MAPK10: variants seen among roughly 807,000 people sequenced by gnomAD.
MAPK10 encodes JNK3 alpha protein kinase.
In MAPK10, 25 loss-of-function variants were observed where a neutral mutation model predicts 59.3. The ratio of observed to expected loss-of-function variants is 0.42; its 90% confidence interval spans 0.31 to 0.59. MAPK10 has a LOEUF of 0.59. Among genes scored for constraint, MAPK10 ranks in the 20% least tolerant of loss-of-function variants. The probability of loss-of-function intolerance (pLI) is 0.15; values close to 1 mark genes in which losing one functional copy is unlikely to be tolerated. For missense variants in MAPK10, 351 were observed against 568.9 expected, an observed-to-expected ratio of 0.62 and a Z score of 3.90; for synonymous variants, 190 against 200.5, an observed-to-expected ratio of 0.95 and a Z score of 0.44.
chr4:86,566,577 T>C (rs576984737), intron 1 of MAPK10, among the ~76,000 whole-genome samples: 48 of 152,046 alleles, frequency 3.2e-4, no homozygotes, highest in Non-Finnish European at 1.9e-4. Context: ...TAGCCGGGCA[T>C]GGTGCTGGGC....
chr4:86,224,239 T>A (rs779721274), intron 2 of MAPK10, among the ~76,000 whole-genome samples: 6 of 152,214 alleles, frequency 3.9e-5, no homozygotes, highest in Non-Finnish European at 8.8e-5. Flanking sequence ...GTTGTCAGTC[T>A]AATGGGAAAG....
chr4:86,560,136 G>A (rs1760563134), intron 1 of MAPK10, among the ~76,000 whole-genome samples: 2 of 152,018 alleles, frequency 1.3e-5, no homozygotes, highest in Admixed American at 1.3e-4. Context: ...ATTAAATCAT[G>A]GTGAACTTAA....
At chr4:86,423,770 C>CATATATATATAT (rs539111577) in intron 1 of MAPK10, among the ~76,000 whole-genome samples, 55 of 91,594 alleles carry the variant, frequency 6.0e-4, no homozygotes, top group African/African-American at 1.2e-3. Context: ...GATATATATA[C>CATATATATATAT]ATATATATAT....
intron 1 of MAPK10, among the ~76,000 whole-genome samples, chr4:86,396,335 A>G (rs572131785): frequency 6.6e-6 from 1 of 152,312 alleles, no homozygotes; most frequent in South Asian, 2.1e-4. Flanking sequence ...CAAGAGTGCG[A>G]GACTCTGTCT....
chr4:86,300,740 T>C (rs1444084035), intron 2 of MAPK10: 1 of 152,148 alleles, frequency 6.6e-6, no homozygotes, highest in African/African-American at 2.4e-5. Context: ...CATATTTGCT[T>C]TTCCACCACC....
rs558089173 is a variant in MAPK10 at position 86,165,245 on chromosome 4, A to G, written c.67-5778T>C. Among the ~76,000 whole-genome samples the G allele has an allele frequency of 1.1e-4, 16 of 152,310 alleles. No homozygotes were observed. The South Asian group carries it at 3.3e-3, about 32-fold the overall frequency. On this transcript the variant is annotated intron_variant, in intron 3 of 13. Transcript: ENST00000641462. ...TCTCATAGTTATGACCAGCAGATTC[A>G]GTTGCTTCATGATACCACTCCAACA...
chr4:86,420,071 C>G (rs1335622442), intron 1 of MAPK10, among the ~76,000 whole-genome samples: 1 of 152,070 alleles, frequency 6.6e-6, no homozygotes, highest in Non-Finnish European at 1.5e-5. Context: ...CATTATTTCT[C>G]CTAAAGACCT....
chr4:86,171,177 G>A (rs2074006770), intron 3 of MAPK10: 1 of 151,394 alleles, frequency 6.6e-6, no homozygotes, highest in African/African-American at 2.4e-5. Flanking sequence ...AGAAAAGCAA[G>A]AGCAAACACA....
At chr4:86,292,928 T>C (rs1164257989) in intron 2 of MAPK10, among the ~76,000 whole-genome samples, 1 of 152,144 alleles carries the variant, frequency 6.6e-6, no homozygotes, top group East Asian at 1.9e-4. Context: ...GCTACACCCC[T>C]CCTCTTATGA....
chr4:86,507,116 A>C (rs1240523858), intron 1 of MAPK10, among the ~76,000 whole-genome samples: 4 of 152,124 alleles, frequency 2.6e-5, no homozygotes, highest in African/African-American at 9.7e-5. Context: ...ACAAATTATC[A>C]TACTGAATAT....
chr4:86,387,153 G>C (rs1383779399), intron 1 of MAPK10, among the ~76,000 whole-genome samples: 1 of 152,132 alleles, frequency 6.6e-6, no homozygotes, highest in African/African-American at 2.4e-5. Flanking sequence ...CTTCATGGCT[G>C]GAAATGAAGC....
chr4:86,428,877 T>C (rs1283429522), intron 1 of MAPK10, among the ~76,000 whole-genome samples: 1 of 152,182 alleles, frequency 6.6e-6, no homozygotes, highest in East Asian at 1.9e-4. Flanking sequence ...TATCTCCAAA[T>C]AGACTGAGGA....
chr4:86,540,604 C>G (rs555033061), intron 1 of MAPK10, among the ~76,000 whole-genome samples: 7 of 152,148 alleles, frequency 4.6e-5, no homozygotes, highest in South Asian at 2.1e-4. Flanking sequence ...GACGAGAGCA[C>G]AGAGATTACA....
chr4:86,377,927 A>G (rs890035605), intron 1 of MAPK10, among the ~76,000 whole-genome samples: 2 of 152,146 alleles, frequency 1.3e-5, no homozygotes, highest in Non-Finnish European at 2.9e-5. Context: ...GCCTGCTTAT[A>G]TTCTAGCTGC....
intron 4 of MAPK10, among the ~76,000 whole-genome samples, chr4:86,147,079 TTTC>T (rs1381452056): frequency 9.9e-5 from 15 of 152,136 alleles, no homozygotes; most frequent in Admixed American, 9.2e-4. Context: ...TTTTTCTTTT[TTTC>T]TTCTTCTTCT....
chr4:86,248,172 G>T (rs2093214678), intron 2 of MAPK10, among the ~76,000 whole-genome samples: 1 of 152,108 alleles, frequency 6.6e-6, no homozygotes, highest in South Asian at 2.1e-4. Context: ...AAACCCTGTG[G>T]TTACTTTTTG....
At chr4:86,228,828 C>T (rs370393985) in intron 2 of MAPK10, among the ~76,000 whole-genome samples, 1 of 152,146 alleles carries the variant, frequency 6.6e-6, no homozygotes, top group Non-Finnish European at 1.5e-5. Context: ...TATGATTTCT[C>T]TCAGTCTAGC....
intron 1 of MAPK10, among the ~76,000 whole-genome samples, chr4:86,425,641 A>G (rs1175639760): frequency 1.3e-5 from 2 of 152,202 alleles, no homozygotes; most frequent in Admixed American, 6.5e-5. Context: ...ACAGAGAGCT[A>G]TATTTTAAAT....
At position 86,017,749 on chromosome 4, in the gene MAPK10, A is replaced by T. The variant is rs1578562613; in HGVS notation, c.1253-379T>A. ...TATTTATTTATTTTTTTTGAGATGGAGTCTCGCTCTGTCGCCAGGCTGGAG... is the reference window on the plus strand; with the variant it reads ...TATTTATTTATTTTTTTTGAGATGGTGTCTCGCTCTGTCGCCAGGCTGGAG... On this transcript the variant is annotated intron_variant, in intron 13 of 13. Transcript: ENST00000641462. This position sits in a 1 kb window ranked among gnomAD's most constrained non-coding sequence, Gnocchi z 4.4. 6.6e-6 allele frequency among the ~76,000 whole-genome samples: 1 copy of T among 151,998 alleles called. No individual in the cohort carries two copies. The highest frequency in any genetic ancestry group is 1.9e-4 in the East Asian group (1 of 5,182).
Sources: allele counts gnomAD v4.1 joint callset (sites outside exome capture counted in the v4.1 genomes callset), GRCh38; gene constraint gnomAD v4.1.1; non-coding constraint Gnocchi (gnomAD v3.1); transcripts MANE v1.5; gene names NCBI Gene and HGNC (gene_info 2026-07-23, HGNC 2026-07-21).